DNAH14: variants seen among roughly 807,000 people sequenced by gnomAD.
The protein encoded by DNAH14 is dynein axonemal heavy chain 14.
DNAH14 carries 478 observed loss-of-function variants against 520.9 expected under a neutral mutation model. That is an observed-to-expected ratio of 0.92 (90% confidence interval 0.85 to 0.99). The LOEUF (loss-of-function observed/expected upper bound fraction) is 0.99, where lower values mean the gene tolerates loss of function less well. Ranked by LOEUF, DNAH14 falls within the 50% of genes least tolerant of loss-of-function variation. The probability of loss-of-function intolerance (pLI) is 0.00; values close to 1 mark genes in which losing one functional copy is unlikely to be tolerated. For missense variants in DNAH14, 4,831 were observed against 5,234.5 expected (o/e 0.92, Z 2.38); for synonymous variants, 1,581 against 1,757.2 (o/e 0.90, Z 2.51).
At chr1:225,150,289 G>A (rs1018304574) in intron 31 of DNAH14, among the ~76,000 whole-genome samples, 1 of 152,120 alleles carries the variant, frequency 6.6e-6, no homozygotes, top group African/African-American at 2.4e-5. Context: ...TGCTAGATTC[G>A]ATTTGCCAGT....
At chr1:224,967,104 C>T (rs755070353) in intron 5 of DNAH14, among the ~76,000 whole-genome samples, 2 of 152,006 alleles carry the variant, frequency 1.3e-5, no homozygotes, top group Non-Finnish European at 2.9e-5. Flanking sequence ...CAGACAAATA[C>T]TAGAAGATGG....
intron 38 of DNAH14, among the ~76,000 whole-genome samples, chr1:225,200,388 C>A (rs1349737426): frequency 6.6e-6 from 1 of 151,924 alleles, no homozygotes; most frequent in South Asian, 2.1e-4. Context: ...TGCCTGTATA[C>A]TTGGTTTTTC....
chr1:225,303,375 C>T, intron 57 of DNAH14, 28 bp downstream of exon 57: 5 of 1,533,178 alleles, frequency 3.3e-6, no homozygotes, highest in Non-Finnish European at 4.4e-6. Context: ...GTGAAGGTTT[C>T]AGTTTATTGA....
intron 41 of DNAH14, among the ~76,000 whole-genome samples, chr1:225,228,613 G>A (rs571142708): frequency 6.6e-6 from 1 of 152,012 alleles, no homozygotes; most frequent in African/African-American, 2.4e-5. Context: ...CTCCTGGGGG[G>A]GGTCACTTCT....
chr1:225,332,744 C>T (rs1050457918), intron 65 of DNAH14, among the ~76,000 whole-genome samples: 4 of 150,570 alleles, frequency 2.7e-5, no homozygotes, highest in African/African-American at 7.4e-5. Flanking sequence ...TCTGTAATCC[C>T]AGCTCTTTGG....
intron 27 of DNAH14, among the ~76,000 whole-genome samples, chr1:225,135,221 C>T (rs1170885253): frequency 6.6e-6 from 1 of 151,874 alleles, no homozygotes; most frequent in Non-Finnish European, 1.5e-5. Context: ...GCTCTTGGTT[C>T]TCTAGTCCTT....
At chr1:225,169,724 C>T (rs945806126) in intron 36 of DNAH14, among the ~76,000 whole-genome samples, 2 of 151,984 alleles carry the variant, frequency 1.3e-5, no homozygotes, top group African/African-American at 4.8e-5. Context: ...GAGAACTTCC[C>T]CAACCAAGGC....
chr1:225,259,289 A>T, intron 46 of DNAH14, 36 bp downstream of exon 46: 1 of 1,331,842 alleles, frequency 7.5e-7, no homozygotes, highest in East Asian at 3.0e-5. Flanking sequence ...GATTTGTCTG[A>T]TTTTAAAAAG....
At chr1:225,073,790 A>G (rs543402524) in intron 17 of DNAH14, among the ~76,000 whole-genome samples, 247 of 151,734 alleles carry the variant, frequency 1.6e-3, no homozygotes, top group Non-Finnish European at 2.9e-3. Context: ...GATTCAAGCA[A>G]TTCTCCTGCC....
At chr1:225,347,923 T>C (rs1461883414) in intron 71 of DNAH14, among the ~76,000 whole-genome samples, 1 of 152,094 alleles carries the variant, frequency 6.6e-6, no homozygotes, top group Non-Finnish European at 1.5e-5. Flanking sequence ...ATAACTGTCA[T>C]AAAGTTGCTC....
In DNAH14 at chr1:225,266,169, CA is replaced by C. The variant is rs551980237; in HGVS notation, c.7411-471del. 7.0e-4 allele frequency among the ~76,000 whole-genome samples: 107 copies of C among 152,206 alleles called. 1 individual carries two copies. The highest frequency in any genetic ancestry group is 2.5e-3 in the African/African-American group (104 of 41,546). On this transcript the variant is annotated intron_variant, in intron 48 of 85. Coordinates refer to ENST00000682510, the MANE Select transcript of DNAH14 (RefSeq NM_001367479.1). ...TTGTTGTTCATAACAACAGCATTTG[CA>C]GCAGAATTTTTTAAGTCTAGTTCCA...
chr1:225,036,344 C>A (rs2128269), intron 11 of DNAH14, among the ~76,000 whole-genome samples: 121,070 of 151,984 alleles, frequency 0.8, 51,638 homozygotes, highest in Non-Finnish European at 0.96. Context: ...ACTATGTTGG[C>A]CAGACTGGTC....
intron 15 of DNAH14, among the ~76,000 whole-genome samples, chr1:225,049,800 ATCT>A (rs2068361430): frequency 6.6e-6 from 1 of 151,572 alleles, no homozygotes; most frequent in African/African-American, 2.4e-5. Context: ...CTATCTATCT[ATCT>A]ATCTATCAAT....
intron 1 of DNAH14, among the ~76,000 whole-genome samples, chr1:224,940,749 C>T (rs908570080): frequency 2.0e-5 from 3 of 146,434 alleles, no homozygotes; most frequent in African/African-American, 5.3e-5. Context: ...TCAATTCTCA[C>T]CTATGAGTGA....
chr1:225,065,377 G>A (rs2070741613), intron 17 of DNAH14, among the ~76,000 whole-genome samples: 1 of 150,688 alleles, frequency 6.6e-6, no homozygotes, highest in South Asian at 2.1e-4. Context: ...TATTCTCTTG[G>A]TGATTTTGAA....
chr1:225,288,776 CA>C (rs2093802916), intron 54 of DNAH14, among the ~76,000 whole-genome samples: 1 of 152,122 alleles, frequency 6.6e-6, no homozygotes, highest in Admixed American at 6.6e-5. Context: ...ACTAAACACC[CA>C]CTTGAATGGC....
intron 28 of DNAH14, among the ~76,000 whole-genome samples, chr1:225,142,446 T>C (rs1242635949): frequency 6.6e-6 from 1 of 152,206 alleles, no homozygotes; most frequent in African/African-American, 2.4e-5. Context: ...TAACATCAGA[T>C]CATGTTACAT....
chr1:225,319,439 T>A (rs556880496), intron 61 of DNAH14, among the ~76,000 whole-genome samples: 8 of 152,326 alleles, frequency 5.3e-5, no homozygotes, highest in African/African-American at 1.9e-4. Flanking sequence ...GAAAATAGTA[T>A]TTTAATGAAA....
intron 67 of DNAH14, 113 bp from the exon 68 acceptor site, chr1:225,337,948 A>G: frequency 1.0e-6 from 1 of 957,654 alleles, no homozygotes; most frequent in Non-Finnish European, 1.5e-6. Context: ...ATGAAATACT[A>G]GGTCTTATTC....
Sources: gnomAD v4.1 joint callset for allele counts (sites outside exome capture counted in the v4.1 genomes callset) on GRCh38, gnomAD v4.1.1 for gene constraint, MANE v1.5 for transcripts, NCBI Gene and HGNC (gene_info 2026-07-23, HGNC 2026-07-21) for gene names.